The following MLC1 variants were observed in gnomAD, a reference collection of about 807,000 sequenced individuals.
MLC1 encodes the protein modulator of VRAC current 1, also known as membrane protein MLC1.
A neutral mutation model predicts 44.7 loss-of-function variants in MLC1; 32 were observed. The observed-to-expected ratio is 0.72, with a 90% confidence interval of 0.54 to 0.96. The LOEUF (loss-of-function observed/expected upper bound fraction) is 0.96. Among genes scored for constraint, MLC1 ranks in the 40% least tolerant of loss-of-function variants. MLC1 has a pLI of 0.00. For synonymous variants in MLC1, 190 were observed against 213.0 expected (o/e 0.89, Z 0.94); for missense variants, 459 against 492.2 (o/e 0.93, Z 0.64).
Position 50,084,908 on chromosome 22 carries a change from T to C in MLC1, c.-6A>G. ...CTGAATGGCTCCTGGGTCATGGCAC[T>C]TGGGGACACCACAGCTGTGCTGAAT... On this transcript the variant is annotated 5_prime_UTR_variant, in exon 2 of 12. Transcript: ENST00000311597. 2 of 1,610,650 alleles carry C rather than the reference T, an allele frequency of 1.2e-6. No homozygotes were observed. The highest frequency in any genetic ancestry group is 1.7e-6 in the Non-Finnish European group (2 of 1,180,020).
chr22:50,081,490 A>G (rs1024927299), intron 3 of MLC1, among the ~76,000 whole-genome samples: 2 of 152,266 alleles, frequency 1.3e-5, no homozygotes, highest in Non-Finnish European at 2.9e-5. Flanking sequence ...CACCAAGGCT[A>G]GGAGTCCAGG....
chr22:50,063,487 A>G (rs1173983087), intron 11 of MLC1, among the ~76,000 whole-genome samples: 3 of 151,184 alleles, frequency 2.0e-5, no homozygotes, highest in Non-Finnish European at 4.4e-5. Flanking sequence ...AAAAAAAAAA[A>G]AAAGAAAAGA....
At chr22:50,072,120 C>T (rs574757236) in intron 8 of MLC1, among the ~76,000 whole-genome samples, 1 of 152,324 alleles carries the variant, frequency 6.6e-6, no homozygotes, top group East Asian at 1.9e-4. Context: ...AGTGAGGGCA[C>T]AGGAAGGGAT....
At chr22:50,082,457 G>C (rs2062169822) in intron 3 of MLC1, among the ~76,000 whole-genome samples, 2 of 152,230 alleles carry the variant, frequency 1.3e-5, no homozygotes, top group Admixed American at 1.3e-4. Context: ...ACAACATGAA[G>C]CTTTGGGAGG....
Position 50,077,397 on chromosome 22 carries a change from C to T in MLC1, c.525+4G>A. On this transcript the variant is annotated splice_donor_region_variant and intron_variant, in intron 6 of 11. Coordinates refer to ENST00000311597, the MANE Select transcript of MLC1 (RefSeq NM_015166.4). ...TGCCCTGCGGGGTCAGAAGCTGCACCCACCTTCTTTTTCTTGCAGTCCTCC... is the reference window on the plus strand; with the variant it reads ...TGCCCTGCGGGGTCAGAAGCTGCACTCACCTTCTTTTTCTTGCAGTCCTCC... 6.2e-7 allele frequency: 1 copy of T among 1,612,964 alleles called. No individual in the cohort carries two copies. The highest frequency in any genetic ancestry group is 8.5e-7 in the Non-Finnish European group (1 of 1,179,194).
chr22:50,080,879 CG>C (rs1305914566), intron 3 of MLC1, among the ~76,000 whole-genome samples: 2 of 151,956 alleles, frequency 1.3e-5, no homozygotes, highest in Admixed American at 1.3e-4. Context: ...AAGTATCAGC[CG>C]GGTGCAGTGG....
In MLC1 at chr22:50,069,019, G is replaced by A. The variant is rs954575365; in HGVS notation, c.772-464C>T. Reference sequence around the variant, plus strand: ...TGTGATTACAGGCATGAGCCACCGCGCCCGGCCTGCCTTTCTTTCTTTTTT... The same window carrying A: ...TGTGATTACAGGCATGAGCCACCGCACCCGGCCTGCCTTTCTTTCTTTTTT... On this transcript the variant is annotated intron_variant, in intron 9 of 11. Coordinates refer to ENST00000311597, the MANE Select transcript of MLC1 (RefSeq NM_015166.4). 3.2e-4 allele frequency among the ~76,000 whole-genome samples: 47 copies of A among 147,752 alleles called. 1 individual carries two copies. The highest frequency in any genetic ancestry group is 5.7e-4 in the Non-Finnish European group (38 of 67,158).
At chr22:50,063,120 G>A (rs1292669113) in intron 11 of MLC1, among the ~76,000 whole-genome samples, 1 of 152,196 alleles carries the variant, frequency 6.6e-6, no homozygotes, top group East Asian at 1.9e-4. Context: ...AAAGCATTAA[G>A]TCCAGAATAT....
chr22:50,061,865 C>G (rs1333421370), intron 11 of MLC1, among the ~76,000 whole-genome samples: 1 of 152,314 alleles, frequency 6.6e-6, no homozygotes, highest in Middle Eastern at 3.4e-3. Flanking sequence ...CTGCATCCCC[C>G]CCCGCACACA....
intron 8 of MLC1, among the ~76,000 whole-genome samples, chr22:50,071,431 C>T (rs2061849026): frequency 6.6e-6 from 1 of 152,190 alleles, no homozygotes; most frequent in Admixed American, 6.5e-5. Context: ...TTGTTTGCTC[C>T]TGATCCGGAT....
chr22:50,072,523 G>A (rs1289013781), intron 8 of MLC1, among the ~76,000 whole-genome samples: 1 of 152,166 alleles, frequency 6.6e-6, no homozygotes, highest in Non-Finnish European at 1.5e-5. Flanking sequence ...TGATGGGCAG[G>A]GGGTGCTCTC....
intron 5 of MLC1, among the ~76,000 whole-genome samples, chr22:50,078,844 C>T (rs1422333106): frequency 6.6e-6 from 1 of 152,102 alleles, no homozygotes. Context: ...ATTTCTGGTG[C>T]TTTGACCTCT....
chr22:50,065,053 T>A (rs2061674790), intron 10 of MLC1, among the ~76,000 whole-genome samples: 1 of 152,286 alleles, frequency 6.6e-6, no homozygotes, highest in South Asian at 2.1e-4. Context: ...ACCTCGCCAG[T>A]AGCTGGGATT....
At chr22:50,064,326 C>A in intron 10 of MLC1, 128 bp from the exon 11 acceptor site, 1 of 1,076,390 alleles carries the variant, frequency 9.3e-7, no homozygotes, top group South Asian at 1.4e-5. Flanking sequence ...CCCAGTAACC[C>A]AAACGCATTG....
rs756090606 is a variant in MLC1, at chr22:50,077,367, C to A, written c.525+34G>T. 51 of 1,588,278 alleles carry A rather than the reference C, an allele frequency of 3.2e-5. No homozygotes were observed. The Admixed American group carries it at 8.0e-4, about 25-fold the overall frequency. On this transcript the variant is annotated intron_variant, in intron 6 of 11. Transcript: ENST00000311597. Reference sequence around the variant, plus strand: ...CTCACCCTGGGGTGATGCCTCTGCACCCCCTGCCCTGCGGGGTCAGAAGCT... The same window carrying A: ...CTCACCCTGGGGTGATGCCTCTGCAACCCCTGCCCTGCGGGGTCAGAAGCT...
chr22:50,083,259 G>A lies in MLC1; in HGVS notation c.178-86C>T, dbSNP rs2062192490. 8 of 1,233,710 alleles carry A rather than the reference G, an allele frequency of 6.5e-6. No homozygotes were observed. Among genetic ancestry groups the A allele is most frequent in the Admixed American group, 1.8e-5 (1 of 56,576 alleles). 76.4% of individuals were successfully genotyped at this position (1,233,710 alleles called of 1,614,324 possible). On this transcript the variant is annotated intron_variant, in intron 2 of 11. Coordinates refer to ENST00000311597, the MANE Select transcript of MLC1 (RefSeq NM_015166.4). The surrounding 1 kb of genome is among the most constrained non-coding windows in gnomAD (Gnocchi z 4.6). ...CCCTTCAACTTCTGCTTCACTGTCT[G>A]TGTATTGGTGACTCACCCACGTCCC...
chr22:50,077,552 A>T, intron 5 of MLC1, 50 bp from the exon 6 acceptor site: 1 of 1,478,360 alleles, frequency 6.8e-7, no homozygotes, highest in Non-Finnish European at 9.4e-7. Flanking sequence ...TTCTCACGCC[A>T]CCGCGCTTCA....
Position 50,079,811 on chromosome 22 carries a change from G to A in MLC1, c.423+107C>T. 6 of 863,626 alleles carry A rather than the reference G, an allele frequency of 6.9e-6. 1 individual carries two copies. The highest frequency in any genetic ancestry group is 4.8e-5 in the East Asian group (2 of 41,410). 53.5% of individuals were successfully genotyped at this position (863,626 alleles called of 1,614,324 possible). On this transcript the variant is annotated intron_variant, in intron 5 of 11. Transcript: ENST00000311597. ...AACTTTAGTCAAACTCACGAGCTGT[G>A]AATAACATTTACCACCTATTTCCAG... is the stretch of plus-strand genomic sequence containing the variant.
At chr22:50,066,398 G>T (rs1409309836) in intron 10 of MLC1, among the ~76,000 whole-genome samples, 1 of 152,158 alleles carries the variant, frequency 6.6e-6, no homozygotes, top group South Asian at 2.1e-4. Context: ...GGTGGCTCAC[G>T]TCTGTAATCC....
Sources: gnomAD v4.1 joint callset for allele counts (sites outside exome capture counted in the v4.1 genomes callset) on GRCh38, gnomAD v4.1.1 for gene constraint, Gnocchi (gnomAD v3.1) non-coding constraint, MANE v1.5 for transcripts, NCBI Gene and HGNC (gene_info 2026-07-23, HGNC 2026-07-21) for gene names.